CCNA1: variants seen among roughly 807,000 people sequenced by gnomAD.
CCNA1 encodes the protein cyclin-A1.
A neutral mutation model predicts 54.1 loss-of-function variants in CCNA1; 23 were observed. That is an observed-to-expected ratio of 0.42 (90% CI 0.31 to 0.60). The LOEUF (loss-of-function observed/expected upper bound fraction) is 0.60. CCNA1 is among the 20% of genes least tolerant of loss of function. The probability of loss-of-function intolerance (pLI) is 0.14; values close to 1 mark genes in which losing one functional copy is unlikely to be tolerated. For synonymous variants in CCNA1, 208 were observed against 213.9 expected, an observed-to-expected ratio of 0.97 and a Z score of 0.24; for missense variants, 450 against 556.7, an observed-to-expected ratio of 0.81 and a Z score of 1.93.
At chr13:36,440,758 A>G (rs1021661114) in intron 6 of CCNA1, among the ~76,000 whole-genome samples, 5 of 152,198 alleles carry the variant, frequency 3.3e-5, no homozygotes, top group African/African-American at 9.7e-5. Context: ...ACTGCCTGAT[A>G]GATTAATAGC....
chr13:36,432,516 A>T lies in CCNA1; in HGVS notation c.-106A>T. The stretch of plus-strand genomic sequence containing the variant: ...TGCCAGTTGTTCCGGACACATAGAA[A>T]GATAACGACGGGAAGAGCGGGGCCC... On this transcript the variant is annotated 5_prime_UTR_variant, in exon 1 of 9. In the 5' UTR this introduces an upstream ATG that the reference lacks. Transcript: ENST00000255465. The T allele has an allele frequency of 1.5e-6, 1 of 662,376 alleles. No individual in the cohort carries two copies. Among genetic ancestry groups the T allele is most frequent in the South Asian group, 1.9e-5 (1 of 52,216 alleles). 41.0% of individuals were successfully genotyped at this position (662,376 alleles called of 1,614,324 possible).
rs2055889286 is a variant in CCNA1 at position 36,442,633 on chromosome 13, A to G, written c.1366A>G (p.Met456Val). The change falls in exon 9 of 9, where the codon ATG (methionine) becomes GTG (valine). Residue 456 changes from methionine (M) to valine (V), a missense_variant. Physicochemically the swap from Met to Val is conservative, Grantham distance 21. Transcript: ENST00000255465. ...TTTCAGGTACCTGTGTGTGTCCCTCATGGAGCCACCTGCAGTTCTTCTTCT... is the reference window on the plus strand; with the variant it reads ...TTTCAGGTACCTGTGTGTGTCCCTCGTGGAGCCACCTGCAGTTCTTCTTCT... 1.2e-6 allele frequency: 2 copies of G among 1,613,922 alleles called. No individual in the cohort carries two copies. Among genetic ancestry groups the G allele is most frequent in the Non-Finnish European group, 1.7e-6 (2 of 1,179,976 alleles).
chr13:36,437,925 C>A, intron 3 of CCNA1, 50 bp downstream of exon 3: 1 of 1,587,428 alleles, frequency 6.3e-7, no homozygotes, highest in Non-Finnish European at 8.6e-7. Context: ...GTATTTATAA[C>A]TGCCTGCAGC....
chr13:36,440,768 C>A (rs552438892), intron 6 of CCNA1, among the ~76,000 whole-genome samples: 12 of 152,262 alleles, frequency 7.9e-5, no homozygotes, highest in African/African-American at 2.9e-4. Flanking sequence ...AGATTAATAG[C>A]TTTAATATTT....
At chr13:36,440,905 A>T (rs906308799) in intron 6 of CCNA1, among the ~76,000 whole-genome samples, 3 of 152,256 alleles carry the variant, frequency 2.0e-5, no homozygotes, top group African/African-American at 7.2e-5. Context: ...TAGGCCAAAT[A>T]CTTTTGTATT....
At chr13:36,437,041 G>A (rs541658776) in intron 2 of CCNA1, among the ~76,000 whole-genome samples, 1 of 152,342 alleles carries the variant, frequency 6.6e-6, no homozygotes, top group Admixed American at 6.5e-5. Flanking sequence ...AAAAGGAGAA[G>A]TGACTAAGAA....
At chr13:36,441,442 A>C (rs1322893050) in intron 7 of CCNA1, among the ~76,000 whole-genome samples, 5 of 152,222 alleles carry the variant, frequency 3.3e-5, no homozygotes, top group African/African-American at 1.2e-4. Context: ...AGACAGCATC[A>C]CATGCTCCTT....
At position 36,437,718 on chromosome 13, in the gene CCNA1, G is replaced by A. The variant is rs764550152; in HGVS notation, c.387G>A (p.Glu129=). Reference sequence around the variant, plus strand: ...CACTCCCTGACTGTGGGGTCCAAGAGCCCCCCAAGCAAGGGTTTGACATCT... The same window carrying A: ...CACTCCCTGACTGTGGGGTCCAAGAACCCCCCAAGCAAGGGTTTGACATCT... The change falls in exon 3 of 9, where the codon GAG becomes GAA. Residue 129 remains glutamate, a synonymous_variant. Coordinates refer to ENST00000255465, the MANE Select transcript of CCNA1 (RefSeq NM_003914.4). The A allele has an allele frequency of 6.2e-6, 10 of 1,614,104 alleles. No homozygotes were observed. In the South Asian group the frequency reaches 1.1e-4, roughly 18 times the overall value.
At chr13:36,436,487 G>A (rs1353649219) in intron 2 of CCNA1, among the ~76,000 whole-genome samples, 1 of 152,186 alleles carries the variant, frequency 6.6e-6, no homozygotes, top group African/African-American at 2.4e-5. Context: ...CACGAGAAAA[G>A]CTTCTAGCAC....
chr13:36,432,607 T>C lies in CCNA1; in HGVS notation c.-15T>C, dbSNP rs1211487699. On this transcript the variant is annotated 5_prime_UTR_variant, in exon 1 of 9. Transcript: ENST00000255465. ...GGGAGGAGGCCGCAGCGCAGCACCC[T>C]GCTCGTCACTTGGGATGGAGACCGG... 1.9e-6 allele frequency: 3 copies of C among 1,553,068 alleles called. No homozygotes were observed. In the African/African-American group the frequency reaches 4.1e-5, roughly 21 times the overall value.
intron 2 of CCNA1, among the ~76,000 whole-genome samples, chr13:36,435,713 G>T (rs1043863586): frequency 1.4e-4 from 22 of 152,066 alleles, no homozygotes; most frequent in Non-Finnish European, 4.4e-5. Context: ...TCTCTATTTG[G>T]TGATGACTGA....
intron 5 of CCNA1, 106 bp downstream of exon 5, chr13:36,438,973 C>T: frequency 2.5e-6 from 2 of 800,522 alleles, no homozygotes; most frequent in Admixed American, 2.1e-5. Context: ...ATAATTAAAA[C>T]TAGTCATGTG....
At position 36,432,652 on chromosome 13, in the gene CCNA1, C is replaced by T. The variant is rs917650994; in HGVS notation, c.31C>T (p.Pro11Ser). Residue 11 changes from proline to serine, a missense_variant, in exon 1 of 9, where the codon CCT becomes TCT. Physicochemically the swap from Pro to Ser is moderately conservative, Grantham distance 74 (BLOSUM62 -1). Around this residue, in one of 6 missense-constraint regions of CCNA1, gnomAD observed 103 missense variants for 100.9 expected, o/e 1.02. Transcript: ENST00000255465. ...GACCGGCTTTCCCGCAATCATGTAC[C>T]CTGGATCTTTTATTGGGGGCTGGGG... The T allele has an allele frequency of 1.9e-6, 3 of 1,608,670 alleles. No homozygotes were observed. Among genetic ancestry groups the T allele is most frequent in the South Asian group, 2.2e-5 (2 of 90,248 alleles).
intron 5 of CCNA1, 62 bp from the exon 6 acceptor site, chr13:36,439,916 TG>T: frequency 9.0e-7 from 1 of 1,114,764 alleles, no homozygotes; most frequent in Non-Finnish European, 1.3e-6. Flanking sequence ...GCGTGGCTTA[TG>T]GTAGCACAGG....
chr13:36,437,511 G>T, intron 2 of CCNA1, 118 bp from the exon 3 acceptor site: 2 of 953,056 alleles, frequency 2.1e-6, no homozygotes, highest in Non-Finnish European at 3.2e-6. Context: ...TGCCGACATA[G>T]ATTTTTCAGT....
rs1566169045 is a variant in CCNA1 at position 36,433,076 on chromosome 13, A to G, written c.152A>G (p.Lys51Arg). The G allele has an allele frequency of 6.2e-7, 1 of 1,614,108 alleles. No homozygotes were observed. Among genetic ancestry groups the G allele is most frequent in the African/African-American group, 1.3e-5 (1 of 75,054 alleles). Residue 51 changes from lysine (K) to arginine (R), a missense_variant, in exon 2 of 9, where the codon AAG becomes AGG. Coordinates refer to ENST00000255465, the MANE Select transcript of CCNA1 (RefSeq NM_003914.4). ...GAAGCAATGCACTGCAGCAACCCCA[A>G]GAGTGGAGTTGTGCTGGCTACAGTG...
At chr13:36,431,951 A>G (rs1347787621), upstream of CCNA1, 1 of 152,876 alleles carries the variant, frequency 6.5e-6, no homozygotes, top group Admixed American at 6.5e-5. Flanking sequence ...CGGGTCACGG[A>G]AACAGTCCCT....
intron 2 of CCNA1, 148 bp downstream of exon 2, chr13:36,433,369 A>ATTTTCT (rs1405706316): frequency 5.9e-6 from 2 of 339,516 alleles, no homozygotes; most frequent in African/African-American, 2.6e-5. Flanking sequence ...TGATTGATTT[A>ATTTTCT]TTTTCTTTCT....
At position 36,438,685 on chromosome 13, in the gene CCNA1, A is replaced by G; in HGVS notation, c.711A>G (p.Pro237=). 1 of 1,614,172 alleles carries G rather than the reference A, an allele frequency of 6.2e-7. No homozygotes were observed. The change falls in exon 5 of 9, where the codon CCA becomes CCG. Residue 237 remains proline, a synonymous_variant. Coordinates refer to ENST00000255465, the MANE Select transcript of CCNA1 (RefSeq NM_003914.4). Reference sequence around the variant, plus strand: ...AAGCACACTACATGAAGAAGCAGCCAGACATCACGGAAGGCATGCGCACGA... The same window carrying G: ...AAGCACACTACATGAAGAAGCAGCCGGACATCACGGAAGGCATGCGCACGA...
Sources: gnomAD v4.1 joint callset for allele counts (sites outside exome capture counted in the v4.1 genomes callset) on GRCh38, gnomAD v4.1.1 for gene constraint, gnomAD v4.1.1 regional missense constraint, MANE v1.5 for transcripts, NCBI Gene and HGNC (gene_info 2026-07-23, HGNC 2026-07-21) for gene names.